Variants in ECM2 observed in about 807,000 individuals in gnomAD.
ECM2 encodes extracellular matrix protein 2, female organ and adipocyte specific.
Under a neutral mutation model 67.5 loss-of-function variants are expected in ECM2, and 57 were observed. The observed-to-expected ratio is 0.84, with a 90% CI of 0.68 to 1.05. ECM2 has a LOEUF of 1.05. Among genes scored for constraint, ECM2 ranks in the 50% least tolerant of loss-of-function variants. The probability of loss-of-function intolerance (pLI) is 0.00; values close to 1 mark genes in which losing one functional copy is unlikely to be tolerated. For synonymous variants in ECM2, 258 were observed against 294.5 expected (o/e 0.88, Z 1.27); for missense variants, 741 against 822.8 (o/e 0.90, Z 1.22).
the ECM2 span, among the ~76,000 whole-genome samples, chr9:92,552,922 C>T: frequency 1.3e-4 from 19 of 151,722 alleles, no homozygotes; most frequent in African/African-American, 4.6e-4. Context: ...AGGCCAATGT[C>T]TATTTATTTA....
chr9:92,544,041 A>C, the ECM2 span, among the ~76,000 whole-genome samples: 57 of 152,286 alleles, frequency 3.7e-4, 1 homozygote, highest in Admixed American at 1.9e-3. Context: ...CTCTTATCTA[A>C]TTGCTCTGGC....
Position 92,495,792 on chromosome 9 carries a change from T to G in ECM2, c.*523A>C. On this transcript the variant is annotated 3_prime_UTR_variant, in exon 10 of 10. Coordinates refer to ENST00000344604, the MANE Select transcript of ECM2 (RefSeq NM_001393.4). Reference sequence around the variant, plus strand: ...TGTAATTAATGGAAGAAATGAAAGCTACCCCAATATTCAGTTATATTTATA... The same window carrying G: ...TGTAATTAATGGAAGAAATGAAAGCGACCCCAATATTCAGTTATATTTATA... 1.1e-6 allele frequency: 1 copy of G among 950,380 alleles called. No homozygotes were observed. The highest frequency in any genetic ancestry group is 1.8e-5 in the African/African-American group (1 of 56,532). The allele number at this position is 950,380 out of a possible 1,614,324, so 58.9% of individuals were successfully genotyped here. A position where few individuals can be genotyped will look rare whatever the true frequency, so the allele number is the denominator to read the frequency against.
In ECM2 at chr9:92,496,490, A is replaced by G; in HGVS notation, c.1932-7T>C. 1.9e-6 allele frequency: 3 copies of G among 1,605,762 alleles called. No homozygotes were observed. The highest frequency in any genetic ancestry group is 2.5e-6 in the Non-Finnish European group (3 of 1,178,092). ...TTCTTCTGGAAGAATGTTCCTAAGG[A>G]AAAATAGACATGCAAGTCACACATG... On this transcript the variant is annotated splice_region_variant and splice_polypyrimidine_tract_variant and intron_variant, in intron 9 of 9. Transcript: ENST00000344604.
At chr9:92,515,822 C>T (rs958003220) in intron 3 of ECM2, among the ~76,000 whole-genome samples, 5 of 152,158 alleles carry the variant, frequency 3.3e-5, no homozygotes, top group African/African-American at 9.7e-5. Context: ...ATCTTTACTA[C>T]CTGAGACTTA....
chr9:92,498,327 A>C (rs1490588973), intron 9 of ECM2, among the ~76,000 whole-genome samples: 1 of 152,188 alleles, frequency 6.6e-6, no homozygotes, highest in Non-Finnish European at 1.5e-5. Flanking sequence ...GAGGGATAGC[A>C]TTAGGAGGTA....
the ECM2 span, among the ~76,000 whole-genome samples, chr9:92,551,939 A>T: frequency 3.5e-5 from 3 of 84,942 alleles, no homozygotes; most frequent in African/African-American, 1.9e-4. Flanking sequence ...ATATATATAT[A>T]TATATATATA....
intron 1 of ECM2, chr9:92,527,999 A>G (rs1485956272): frequency 6.6e-6 from 1 of 152,106 alleles, no homozygotes; most frequent in East Asian, 2.1e-4. Context: ...GGAAGCGACC[A>G]TGATGTAACT....
chr9:92,552,107 T>TATATATGTGATATGATAGATCTATC, the ECM2 span, among the ~76,000 whole-genome samples: 444 of 116,486 alleles, frequency 3.8e-3, no homozygotes, highest in South Asian at 0.013. Flanking sequence ...AGATCTATCA[T>TATATATGTGATATGATAGATCTATC]ATATATGTGA....
chr9:92,514,159 G>A (rs939363974), intron 4 of ECM2, among the ~76,000 whole-genome samples: 2 of 144,942 alleles, frequency 1.4e-5, no homozygotes, highest in Non-Finnish European at 3.0e-5. Context: ...ACAGGATCTC[G>A]CTCTGTTGCC....
At chr9:92,543,501 G>GATTGCATT in the ECM2 span, among the ~76,000 whole-genome samples, 1 of 97,318 alleles carries the variant, frequency 1.0e-5, no homozygotes, top group East Asian at 3.2e-4. Flanking sequence ...AAAAAAAAAA[G>GATTGCATT]ATTGCATTAG....
In ECM2 at chr9:92,522,711, C is replaced by T; in HGVS notation, c.156G>A (p.Gln52=). ...STSHKHRSNR[Q]LGIQQTTVFT... ...AAACTGTTGTTTGCTGAATTCCAAG[C>T]TGTCTGTTTGATCTGTGCTTGTGTG... The change falls in exon 2 of 10, where the codon CAG becomes CAA. Residue 52 remains glutamine, a synonymous_variant. Coordinates refer to ENST00000344604, the MANE Select transcript of ECM2 (RefSeq NM_001393.4). The T allele has an allele frequency of 6.2e-7, 1 of 1,614,130 alleles. No individual in the cohort carries two copies. The highest frequency in any genetic ancestry group is 1.1e-5 in the South Asian group (1 of 91,088).
At chr9:92,517,978 G>A in intron 2 of ECM2, 103 bp from the exon 3 acceptor site, 1 of 1,336,694 alleles carries the variant, frequency 7.5e-7, no homozygotes, top group Non-Finnish European at 1.0e-6. Flanking sequence ...AACCACACAA[G>A]AATAGAATTC....
rs1467539029 is a variant in ECM2 at position 92,522,705 on chromosome 9, T to C, written c.162A>G (p.Gly54=). The change falls in exon 2 of 10, where the codon GGA becomes GGG. Residue 54 remains glycine (G), a synonymous_variant. Transcript: ENST00000344604. ...SHKHRSNRQL[G]IQQTTVFTPV... is the part of the protein sequence containing the mutation. ...GTGTAAAAACTGTTGTTTGCTGAATTCCAAGCTGTCTGTTTGATCTGTGCT... is the reference window on the plus strand; with the variant it reads ...GTGTAAAAACTGTTGTTTGCTGAATCCCAAGCTGTCTGTTTGATCTGTGCT... The C allele has an allele frequency of 6.2e-7, 1 of 1,614,174 alleles. No homozygotes were observed. The highest frequency in any genetic ancestry group is 1.7e-5 in the Admixed American group (1 of 60,026).
At chr9:92,531,021 T>C (rs1482060641) in intron 1 of ECM2, among the ~76,000 whole-genome samples, 3 of 152,194 alleles carry the variant, frequency 2.0e-5, no homozygotes, top group Non-Finnish European at 4.4e-5. Context: ...TCTATATTTT[T>C]ATATTTTCAG....
At chr9:92,534,939 G>T (rs976495851) in intron 1 of ECM2, among the ~76,000 whole-genome samples, 12 of 152,074 alleles carry the variant, frequency 7.9e-5, no homozygotes, top group African/African-American at 2.9e-4. Context: ...CTCTCATGAG[G>T]GTCTCAGGCA....
At chr9:92,541,220 C>T (rs1239707668), upstream of ECM2, among the ~76,000 whole-genome samples, 5 of 152,164 alleles carry the variant, frequency 3.3e-5, no homozygotes, top group African/African-American at 1.2e-4. Flanking sequence ...GATTGCGCCA[C>T]TGCACGCCAG....
At chr9:92,546,226 A>AGACCAATCAGCTCTCTGTAAAATG in the ECM2 span, among the ~76,000 whole-genome samples, 2 of 152,188 alleles carry the variant, frequency 1.3e-5, no homozygotes, top group Non-Finnish European at 2.9e-5. Context: ...TCTGTAAAAC[A>AGACCAATCAGCTCTCTGTAAAATG]GACCAATCAG....
At chr9:92,544,524 A>G in the ECM2 span, among the ~76,000 whole-genome samples, 1 of 129,810 alleles carries the variant, frequency 7.7e-6, no homozygotes. Flanking sequence ...CATTCTTTCT[A>G]TAGTTAATTT....
chr9:92,528,446 G>T (rs1039867965), intron 1 of ECM2, among the ~76,000 whole-genome samples: 1 of 152,192 alleles, frequency 6.6e-6, no homozygotes, highest in Admixed American at 6.5e-5. Context: ...CCCTTCCAGA[G>T]ATGTGAAGTC....
Sources: gnomAD v4.1 joint callset for allele counts (sites outside exome capture counted in the v4.1 genomes callset) on GRCh38, gnomAD v4.1.1 for gene constraint, MANE v1.5 for transcripts, NCBI Gene and HGNC (gene_info 2026-07-23, HGNC 2026-07-21) for gene names.